PRELID3A: variants seen among roughly 807,000 people sequenced by gnomAD.
PRELID3A encodes the protein PRELI domain containing 3A.
A neutral mutation model predicts 23.0 loss-of-function variants in PRELID3A; 27 were observed. The observed-to-expected ratio is 1.17, with a 90% CI of 0.87 to 1.62. PRELID3A has a LOEUF of 1.62. Ranked by LOEUF, PRELID3A falls within the 40% of genes most tolerant of loss-of-function variation. The pLI is 0.00. For synonymous variants in PRELID3A, 87 were observed against 86.4 expected (o/e 1.01, Z -0.04); for missense variants, 231 against 231.4 (o/e 1.00, Z 0.01).
At chr18:12,421,402 T>G (rs1598860955) in intron 2 of PRELID3A, 138 bp from the exon 3 acceptor site, 1 of 643,674 alleles carries the variant, frequency 1.6e-6, no homozygotes, top group Non-Finnish European at 2.8e-6. Flanking sequence ...GACACAGGGG[T>G]TTTGTCTCTG....
chr18:12,426,336 C>G (rs188734643), intron 3 of PRELID3A, among the ~76,000 whole-genome samples: 1 of 151,128 alleles, frequency 6.6e-6, no homozygotes, highest in Non-Finnish European at 1.5e-5. Context: ...GGGCGGATCA[C>G]GAGGTCAGGA....
rs116649616 is a variant in PRELID3A at position 12,429,054 on chromosome 18, C to T, written c.466-296C>T. ...AGGTGTCACCCTGGGCTTTCCTGGC[C>T]TCCTGGGGCAGCCTCAGCGCTGGGA... On this transcript the variant is annotated intron_variant, in intron 5 of 6. Coordinates refer to ENST00000440960, the MANE Select transcript of PRELID3A (RefSeq NM_001142405.2). Among the ~76,000 whole-genome samples the T allele has an allele frequency of 1.0e-3, 154 of 152,266 alleles. 1 individual carries two copies. The highest frequency in any genetic ancestry group is 3.1e-3 in the African/African-American group (129 of 41,536).
At chr18:12,421,929 GACAA>G (rs2030195395) in intron 3 of PRELID3A, among the ~76,000 whole-genome samples, 4 of 152,030 alleles carry the variant, frequency 2.6e-5, no homozygotes, top group Non-Finnish European at 5.9e-5. Context: ...CCACTGTCCT[GACAA>G]CCAGCAGACG....
At chr18:12,416,179 T>A (rs986857071) in intron 1 of PRELID3A, among the ~76,000 whole-genome samples, 4 of 152,254 alleles carry the variant, frequency 2.6e-5, no homozygotes, top group African/African-American at 9.6e-5. Flanking sequence ...CCAGTTTGTG[T>A]CCACCAGCAG....
chr18:12,408,663 A>G (rs942866712), intron 1 of PRELID3A, among the ~76,000 whole-genome samples: 2 of 152,014 alleles, frequency 1.3e-5, no homozygotes, highest in African/African-American at 4.8e-5. Flanking sequence ...CAGAAAGACA[A>G]GTATCGCATG....
At position 12,420,431 on chromosome 18, in the gene PRELID3A, G is replaced by A; in HGVS notation, c.139G>A (p.Gly47Ser). The change falls in exon 2 of 7, where the codon GGC becomes AGC. Residue 47 changes from glycine (G) to serine (S), a missense_variant. Physicochemically the swap from Gly to Ser is moderately conservative, Grantham distance 56. Transcript: ENST00000440960. Reference sequence around the variant, plus strand: ...GCTACAGCGCCGCGTGGACGGCCGCGGCCGCCTGCACAGCTTGCGCCTGCT... The same window carrying A: ...GCTACAGCGCCGCGTGGACGGCCGCAGCCGCCTGCACAGCTTGCGCCTGCT... ...DVLQRRVDGR[G>S]RLHSLRLLST... is the part of the protein sequence containing the mutation. The A allele has an allele frequency of 6.3e-7, 1 of 1,587,510 alleles. No homozygotes were observed. The highest frequency in any genetic ancestry group is 8.6e-7 in the Non-Finnish European group (1 of 1,168,088).
intron 5 of PRELID3A, 34 bp downstream of exon 5, chr18:12,427,357 C>T (rs983832285): frequency 6.9e-7 from 1 of 1,439,296 alleles, no homozygotes; most frequent in Non-Finnish European, 9.8e-7. Flanking sequence ...CCTGTGTGTG[C>T]TCTAGTTGTT....
intron 3 of PRELID3A, among the ~76,000 whole-genome samples, chr18:12,423,308 A>T (rs1172102773): frequency 6.6e-6 from 1 of 152,132 alleles, no homozygotes; most frequent in African/African-American, 2.4e-5. Flanking sequence ...TGTTGCAGGA[A>T]GGTGAGGTAG....
intron 1 of PRELID3A, among the ~76,000 whole-genome samples, chr18:12,417,234 C>T (rs545902034): frequency 1.3e-5 from 2 of 152,162 alleles, no homozygotes; most frequent in East Asian, 1.9e-4. Flanking sequence ...AGTGCAGTGG[C>T]GCGATCTCGG....
At chr18:12,426,515 C>A (rs1437270177) in intron 3 of PRELID3A, among the ~76,000 whole-genome samples, 3 of 122,172 alleles carry the variant, frequency 2.5e-5, no homozygotes, top group Non-Finnish European at 4.8e-5. Flanking sequence ...GATCGCGCCA[C>A]TGCACTCCAG....
At chr18:12,418,307 G>C (rs1474250526) in intron 1 of PRELID3A, among the ~76,000 whole-genome samples, 1 of 152,152 alleles carries the variant, frequency 6.6e-6, no homozygotes, top group East Asian at 1.9e-4. Flanking sequence ...ATAGAGGACT[G>C]GTGAAATATA....
intron 1 of PRELID3A, among the ~76,000 whole-genome samples, chr18:12,414,561 A>G (rs1047307491): frequency 6.6e-6 from 1 of 152,156 alleles, no homozygotes; most frequent in Non-Finnish European, 1.5e-5. Context: ...CCCCATCTCT[A>G]CTAAAAATAC....
chr18:12,429,453 C>T lies in PRELID3A; in HGVS notation c.*33+17C>T, dbSNP rs1438571766. ...TAAATGGTGGTGAGTACAGTATTCA[C>T]TCACCTGGGGGGGTACTTGCAGCCT... On this transcript the variant is annotated intron_variant, in intron 6 of 6. Coordinates refer to ENST00000440960, the MANE Select transcript of PRELID3A (RefSeq NM_001142405.2). 7.8e-6 allele frequency: 12 copies of T among 1,536,614 alleles called. No individual in the cohort carries two copies. The highest frequency in any genetic ancestry group is 1.1e-5 in the Non-Finnish European group (12 of 1,110,916).
chr18:12,412,468 G>T (rs551657127), intron 1 of PRELID3A, among the ~76,000 whole-genome samples: 1 of 152,082 alleles, frequency 6.6e-6, no homozygotes, highest in African/African-American at 2.4e-5. Context: ...GTTTACAGGC[G>T]TGAGCCACTG....
At chr18:12,426,278 GGT>G (rs2030361217) in intron 3 of PRELID3A, among the ~76,000 whole-genome samples, 4 of 151,396 alleles carry the variant, frequency 2.6e-5, no homozygotes, top group South Asian at 4.2e-4. Flanking sequence ...ATATAGGCCG[GGT>G]GGAGTGGCTC....
At chr18:12,430,781 G>A (rs1022966094) in intron 6 of PRELID3A, among the ~76,000 whole-genome samples, 9 of 149,814 alleles carry the variant, frequency 6.0e-5, no homozygotes, top group African/African-American at 2.2e-4. Flanking sequence ...GTGCATGCGT[G>A]TATGATGTGC....
intron 2 of PRELID3A, 112 bp downstream of exon 2, chr18:12,420,605 A>C (rs2030139640): frequency 1.1e-6 from 1 of 939,410 alleles, no homozygotes; most frequent in Non-Finnish European, 1.4e-6. Context: ...TTTGGCTGCC[A>C]TCGGGGTGGG....
At chr18:12,419,429 G>T (rs1489195576) in intron 1 of PRELID3A, among the ~76,000 whole-genome samples, 5 of 151,386 alleles carry the variant, frequency 3.3e-5, no homozygotes, top group Non-Finnish European at 7.4e-5. Flanking sequence ...AGGAGTTCCA[G>T]ACCAGCCTGG....
intron 3 of PRELID3A, chr18:12,422,237 C>G (rs952296879): frequency 6.9e-6 from 1 of 144,140 alleles, no homozygotes; most frequent in Admixed American, 7.2e-5. Context: ...CAGTCTCTCT[C>G]TCTCACCTAG....
Sources: allele counts gnomAD v4.1 joint callset (sites outside exome capture counted in the v4.1 genomes callset), GRCh38; gene constraint gnomAD v4.1.1; transcripts MANE v1.5; gene names NCBI Gene and HGNC (gene_info 2026-07-23, HGNC 2026-07-21).